Variants in TENM4 observed in about 807,000 individuals in gnomAD.
The protein encoded by TENM4 is teneurin transmembrane protein 4.
TENM4 carries 82 observed loss-of-function variants against 243.3 expected under a neutral mutation model. That is an observed-to-expected ratio of 0.34 (90% CI 0.28 to 0.40). The LOEUF (loss-of-function observed/expected upper bound fraction) is 0.40. Ranked by LOEUF, TENM4 falls within the 10% of genes least tolerant of loss-of-function variation. The pLI is 1.00. For synonymous variants in TENM4, 1,412 were observed against 1,456.3 expected (o/e 0.97, Z 0.69); for missense variants, 3,138 against 3,673.3 (o/e 0.85, Z 3.77).
chr11:79,038,019 A>G (rs1268925483), intron 6 of TENM4, among the ~76,000 whole-genome samples: 2 of 152,220 alleles, frequency 1.3e-5, no homozygotes, highest in Admixed American at 6.5e-5. Context: ...GGGAAAGCAT[A>G]ATAGGGACAT....
chr11:79,414,893 A>T (rs963037831), intron 1 of TENM4, among the ~76,000 whole-genome samples: 18 of 152,244 alleles, frequency 1.2e-4, no homozygotes, highest in African/African-American at 4.3e-4. Flanking sequence ...TTCATTCAGA[A>T]TCCATTAATT....
rs533920327 is a variant in TENM4 at position 79,251,676 on chromosome 11, G to A, written c.-264-35767C>T. 2.4e-4 allele frequency among the ~76,000 whole-genome samples: 37 copies of A among 151,940 alleles called. No homozygotes were observed. The South Asian group carries it at 7.1e-3, about 29-fold the overall frequency. On this transcript the variant is annotated intron_variant, in intron 2 of 33. Coordinates refer to ENST00000278550, the MANE Select transcript of TENM4 (RefSeq NM_001098816.3). ...AGCAACAAGAAGGTTTGACACCCTT[G>A]ACATACTAAAATACTCTGATAGATT...
At position 78,658,274 on chromosome 11, in the gene TENM4, G is replaced by A. The variant is rs550340221; in HGVS notation, c.8094C>T (p.Ala2698=). The A allele has an allele frequency of 1.5e-5, 25 of 1,613,086 alleles. No homozygotes were observed. The highest frequency in any genetic ancestry group is 1.4e-4 in the South Asian group (13 of 91,054). ...ARVLELARQR[A]VRQAWAREQQ... is the part of the protein sequence containing the mutation. The stretch of plus-strand genomic sequence containing the variant: ...GCTCGCGGGCCCACGCTTGGCGCAC[G>A]GCTCTCTGCCGGGCCAGCTCCAGGA... Residue 2698 remains alanine, a synonymous_variant, in exon 34 of 34, where the codon GCC becomes GCT. Transcript: ENST00000278550.
Position 78,798,553 on chromosome 11 carries a change from T to C in TENM4, c.2179+6739A>G, listed in dbSNP as rs115296603. 8.0e-3 allele frequency among the ~76,000 whole-genome samples: 1,221 copies of C among 152,288 alleles called. 14 individuals are homozygous for C. Among genetic ancestry groups the C allele is most frequent in the African/African-American group, 0.028 (1,156 of 41,562 alleles). ...CTGAAAGGGCAACAGTCAATGTTCA[T>C]TGACAATTATTTTAAGCCAAGATTT... On this transcript the variant is annotated intron_variant, in intron 15 of 33. Coordinates refer to ENST00000278550, the MANE Select transcript of TENM4 (RefSeq NM_001098816.3).
At chr11:79,227,392 G>T (rs1036718596) in intron 2 of TENM4, among the ~76,000 whole-genome samples, 3 of 152,184 alleles carry the variant, frequency 2.0e-5, no homozygotes, top group East Asian at 1.9e-4. Flanking sequence ...CAATGGAAAG[G>T]TCGAGAGGGG....
rs1022428849 is a variant in TENM4, at chr11:79,113,432, CAG to C, written c.-66+35276_-66+35277del. 4.9e-5 allele frequency among the ~76,000 whole-genome samples: 6 copies of C among 122,300 alleles called. No individual in the cohort carries two copies. In the South Asian group the frequency reaches 7.6e-4, roughly 16 times the overall value. 80.2% of individuals were successfully genotyped at this position (122,300 alleles called of 152,430 possible). A position where few individuals can be genotyped will look rare whatever the true frequency, so the allele number is the denominator to read the frequency against. ...GTGTGTGTGTGTGTTGTGTGTGTGA[CAG>C]AGAGAGAGAAAGAGAGGGGGTGCTT... On this transcript the variant is annotated intron_variant, in intron 4 of 33. Coordinates refer to ENST00000278550, the MANE Select transcript of TENM4 (RefSeq NM_001098816.3).
chr11:79,345,305 C>A (rs951916169), intron 1 of TENM4, among the ~76,000 whole-genome samples: 2 of 152,146 alleles, frequency 1.3e-5, no homozygotes, highest in African/African-American at 4.8e-5. Context: ...TTTTCCTATT[C>A]CTGAATTTAC....
At position 79,274,899 on chromosome 11, in the gene TENM4, G is replaced by A. The variant is rs138608285; in HGVS notation, c.-265+22589C>T. ...GACCTTAGCCAGAAGACTTCTCCCCGGGCCTCAGTTTCCTGCAGGGAGTTG... is the reference window on the plus strand; with the variant it reads ...GACCTTAGCCAGAAGACTTCTCCCCAGGCCTCAGTTTCCTGCAGGGAGTTG... On this transcript the variant is annotated intron_variant, in intron 2 of 33. Coordinates refer to ENST00000278550, the MANE Select transcript of TENM4 (RefSeq NM_001098816.3). Among the ~76,000 whole-genome samples, 503 of 152,248 alleles carry A rather than the reference G, an allele frequency of 3.3e-3. 7 individuals are homozygous for A. Among genetic ancestry groups the A allele is most frequent in the East Asian group, 1.7e-3 (9 of 5,174 alleles).
intron 4 of TENM4, among the ~76,000 whole-genome samples, chr11:79,079,261 G>A (rs541266102): frequency 6.6e-6 from 1 of 152,312 alleles, no homozygotes; most frequent in East Asian, 1.9e-4. Flanking sequence ...CTGTTAGAGA[G>A]CTTGTCAGAG....
At position 79,069,854 on chromosome 11, in the gene TENM4, C is replaced by T. The variant is rs938478797; in HGVS notation, c.91G>A (p.Glu31Lys). 9.0e-6 allele frequency: 14 copies of T among 1,550,358 alleles called. No individual in the cohort carries two copies. Among genetic ancestry groups the T allele is most frequent in the Admixed American group, 3.9e-5 (2 of 50,996 alleles). ...TACGATTTCTGCGGGGCTTTGCCCT[C>T]CTCGCTGTCCGCGGACGAGCTGGTG... ...RYTSSSADSE[E>K]GKAPQKSYSS... Residue 31 changes from glutamate to lysine, a missense_variant, in exon 5 of 34, where the codon GAG becomes AAG. By Grantham distance (56) the Glu-to-Lys change is moderately conservative. This residue lies in a region of TENM4 where 671 missense variants were observed against 614.1 expected (regional missense o/e 1.09). Coordinates refer to ENST00000278550, the MANE Select transcript of TENM4 (RefSeq NM_001098816.3).
At chr11:78,948,650 C>T (rs558732409) in intron 6 of TENM4, among the ~76,000 whole-genome samples, 271 of 152,248 alleles carry the variant, frequency 1.8e-3, no homozygotes, top group Admixed American at 4.4e-3. Flanking sequence ...GGATTACAGG[C>T]GTGAGCCACT....
At chr11:79,162,317 C>A (rs478090) in intron 3 of TENM4, among the ~76,000 whole-genome samples, 131,065 of 152,176 alleles carry the variant, frequency 0.86, 56,603 homozygotes, top group Non-Finnish European at 0.89. Context: ...CTTCATCCAT[C>A]AAATGGGGCT....
intron 3 of TENM4, among the ~76,000 whole-genome samples, chr11:79,181,179 A>T (rs1178657299): frequency 6.6e-6 from 1 of 152,148 alleles, no homozygotes; most frequent in Admixed American, 6.5e-5. Flanking sequence ...GAGCACAGAT[A>T]CCAAAATCTT....
intron 6 of TENM4, among the ~76,000 whole-genome samples, chr11:79,061,733 G>A (rs536744087): frequency 1.3e-5 from 2 of 152,292 alleles, no homozygotes; most frequent in Admixed American, 1.3e-4. Context: ...GGAACTCACT[G>A]TAACTAGGGC....
At chr11:79,302,773 G>C (rs1856570311) in intron 1 of TENM4, among the ~76,000 whole-genome samples, 2 of 152,166 alleles carry the variant, frequency 1.3e-5, no homozygotes, top group Admixed American at 1.3e-4. Context: ...AGGGTCTCCA[G>C]GATGTAAGTC....
At chr11:78,878,400 T>G (rs1291276453) in intron 9 of TENM4, among the ~76,000 whole-genome samples, 1 of 152,132 alleles carries the variant, frequency 6.6e-6, no homozygotes, top group Admixed American at 6.5e-5. Context: ...GCAGCAATTG[T>G]GAGGAGCACC....
At chr11:78,799,814 T>C (rs986083060) in intron 15 of TENM4, among the ~76,000 whole-genome samples, 3 of 152,242 alleles carry the variant, frequency 2.0e-5, no homozygotes, top group African/African-American at 7.2e-5. Flanking sequence ...ATCTCTGCCA[T>C]GTATTGCTTC....
At chr11:79,408,995 A>G (rs1369725587) in intron 1 of TENM4, among the ~76,000 whole-genome samples, 2 of 151,804 alleles carry the variant, frequency 1.3e-5, no homozygotes. Flanking sequence ...ATAAATAAGA[A>G]GTATTAAGTT....
At chr11:78,976,617 C>A (rs1367295335) in intron 6 of TENM4, among the ~76,000 whole-genome samples, 3 of 152,060 alleles carry the variant, frequency 2.0e-5, no homozygotes, top group Non-Finnish European at 4.4e-5. Flanking sequence ...ATAATGAGGA[C>A]CAAGAGTTCT....
Sources: allele counts gnomAD v4.1 joint callset (sites outside exome capture counted in the v4.1 genomes callset), GRCh38; gene constraint gnomAD v4.1.1; regional missense constraint gnomAD v4.1.1; transcripts MANE v1.5; gene names NCBI Gene and HGNC (gene_info 2026-07-23, HGNC 2026-07-21).